Variants in PHACTR4 observed in about 807,000 individuals in gnomAD.
PHACTR4 encodes protein phosphatase 1, regulatory subunit 124.
In PHACTR4, 51 loss-of-function variants were observed where a neutral mutation model predicts 72.7. The observed-to-expected ratio is 0.70, with a 90% CI of 0.56 to 0.89. PHACTR4 has a LOEUF of 0.89. Among genes scored for constraint, PHACTR4 ranks in the 40% least tolerant of loss-of-function variants. The pLI is 0.00. For synonymous variants in PHACTR4, 255 were observed against 302.5 expected (o/e 0.84, Z 1.63); for missense variants, 731 against 861.8 (o/e 0.85, Z 1.90).
intron 2 of PHACTR4, among the ~76,000 whole-genome samples, chr1:28,426,755 C>T (rs1655891231): frequency 6.6e-6 from 1 of 151,386 alleles, no homozygotes; most frequent in Admixed American, 6.6e-5. Flanking sequence ...CAAGATCTGC[C>T]CCCACTGGTC....
chr1:28,406,430 GA>G (rs1043717167), intron 1 of PHACTR4, among the ~76,000 whole-genome samples: 9 of 149,884 alleles, frequency 6.0e-5, no homozygotes, highest in South Asian at 2.1e-4. Context: ...TCTTGAGGGG[GA>G]AAAAAAAAGC....
At chr1:28,379,247 G>A (rs1368046112) in intron 1 of PHACTR4, among the ~76,000 whole-genome samples, 1 of 151,260 alleles carries the variant, frequency 6.6e-6, no homozygotes, top group African/African-American at 2.4e-5. Flanking sequence ...GAGCCACCAT[G>A]GCCAGCCTAT....
chr1:28,469,084 A>G (rs1184371542), intron 6 of PHACTR4, among the ~76,000 whole-genome samples: 2 of 152,200 alleles, frequency 1.3e-5, no homozygotes, highest in Non-Finnish European at 2.9e-5. Context: ...TCTTAGAGCT[A>G]AATAGATTTA....
chr1:28,374,154 G>T (rs1416988315), intron 1 of PHACTR4, among the ~76,000 whole-genome samples: 1 of 152,194 alleles, frequency 6.6e-6, no homozygotes, highest in East Asian at 1.9e-4. Flanking sequence ...TGCCTAGGCA[G>T]AATGGCAGTT....
chr1:28,389,242 GA>G (rs1344879679), intron 1 of PHACTR4, among the ~76,000 whole-genome samples: 2 of 151,956 alleles, frequency 1.3e-5, no homozygotes, highest in Admixed American at 1.3e-4. Flanking sequence ...ACAAGTATAT[GA>G]AAAAATGTTC....
chr1:28,493,880 C>T (rs184481724), intron 13 of PHACTR4, among the ~76,000 whole-genome samples: 73 of 152,260 alleles, frequency 4.8e-4, no homozygotes, highest in African/African-American at 1.6e-3. Context: ...AATGTATAAA[C>T]AACATTTTAA....
At chr1:28,464,825 T>G (rs1659034323) in intron 4 of PHACTR4, among the ~76,000 whole-genome samples, 1 of 152,084 alleles carries the variant, frequency 6.6e-6, no homozygotes, top group Non-Finnish European at 1.5e-5. Context: ...TGCCTCAGCC[T>G]CCTGAATAGC....
intron 9 of PHACTR4, among the ~76,000 whole-genome samples, chr1:28,487,308 G>A (rs1291565879): frequency 6.6e-6 from 1 of 151,958 alleles, no homozygotes; most frequent in East Asian, 1.9e-4. Flanking sequence ...GGAGGTTGCA[G>A]TGAGCCGAGA....
rs180711856 is a variant in PHACTR4 at position 28,457,271 on chromosome 1, A to G, written c.17-1814A>G. On this transcript the variant is annotated intron_variant, in intron 2 of 13. Coordinates refer to ENST00000373839, the MANE Select transcript of PHACTR4 (RefSeq NM_001048183.3). ...TTAAAAATTTAATGCTGTTGGTTGT[A>G]TATTTTCTCTTTTGAAAATACCTAG... 732 of 443,184 alleles carry G rather than the reference A, an allele frequency of 1.7e-3. 3 individuals carry two copies. Among genetic ancestry groups the G allele is most frequent in the African/African-American group, 0.013 (645 of 49,846 alleles). 27.5% of individuals were successfully genotyped at this position (443,184 alleles called of 1,614,324 possible). A position where few individuals can be genotyped will look rare whatever the true frequency, so the allele number is the denominator to read the frequency against.
chr1:28,390,268 G>A (rs1471379238), intron 1 of PHACTR4, among the ~76,000 whole-genome samples: 3 of 152,092 alleles, frequency 2.0e-5, no homozygotes, highest in Non-Finnish European at 4.4e-5. Flanking sequence ...CGATCCTCCT[G>A]CCTCAGCCTT....
intron 1 of PHACTR4, among the ~76,000 whole-genome samples, chr1:28,379,682 C>G (rs193229034): frequency 6.6e-6 from 1 of 151,462 alleles, no homozygotes; most frequent in African/African-American, 2.4e-5. Context: ...CTCCGCCTCC[C>G]GGGTTCACGC....
In PHACTR4 at chr1:28,498,468, T is replaced by C. The variant is rs1410676302; in HGVS notation, c.*1919T>C. 6.6e-6 allele frequency: 1 copy of C among 152,242 alleles called. No individual in the cohort carries two copies. The highest frequency in any genetic ancestry group is 2.4e-5 in the African/African-American group (1 of 41,462). The allele number at this position is 152,242 out of a possible 1,614,324, so 9.4% of individuals were successfully genotyped here. ...CTGCTTTCTGCATTTGTAATAGATA[T>C]TAATATGATTTCCTAAAACAGAAGA... On this transcript the variant is annotated 3_prime_UTR_variant, in exon 14 of 14. Transcript: ENST00000373839.
rs143428465 is a variant in PHACTR4, at chr1:28,474,939, T to TTTTATTTATTTA, written c.1421+802_1421+813dup. ...TTTTAATCTTACCTTAAAACTTTAT[T>TTTTATTTATTTA]TTTATTTATTTATTTATTTATTTAT... is the stretch of plus-strand genomic sequence containing the variant. On this transcript the variant is annotated intron_variant, in intron 7 of 13. Coordinates refer to ENST00000373839, the MANE Select transcript of PHACTR4 (RefSeq NM_001048183.3). Among the ~76,000 whole-genome samples the TTTTATTTATTTA allele has an allele frequency of 4.6e-5, 7 of 151,300 alleles. No individual in the cohort carries two copies. The South Asian group carries it at 6.2e-4, about 13-fold the overall frequency.
intron 1 of PHACTR4, among the ~76,000 whole-genome samples, chr1:28,378,033 TA>T (rs1411284369): frequency 6.8e-6 from 1 of 147,018 alleles, no homozygotes; most frequent in Non-Finnish European, 1.5e-5. Context: ...CCGTCTCTAC[TA>T]AAAGTACAAA....
chr1:28,473,711 G>A lies in PHACTR4; in HGVS notation c.981G>A (p.Thr327=), dbSNP rs200094105. Residue 327 remains threonine, a synonymous_variant, in exon 7 of 14, where the codon ACG becomes ACA. Transcript: ENST00000373839. ...KTPSDEREKS[T]CSMGSELLPM... is the part of the protein sequence containing the mutation. ...CAAGTGATGAAAGAGAGAAGAGCACGTGTTCTATGGGCTCGGAACTACTAC... is the reference window on the plus strand; with the variant it reads ...CAAGTGATGAAAGAGAGAAGAGCACATGTTCTATGGGCTCGGAACTACTAC... The A allele has an allele frequency of 3.0e-4, 487 of 1,614,094 alleles. 2 individuals are homozygous for A. The highest frequency in any genetic ancestry group is 1.5e-3 in the South Asian group (136 of 91,078).
At chr1:28,486,028 C>T (rs1044399114) in intron 9 of PHACTR4, among the ~76,000 whole-genome samples, 24 of 151,772 alleles carry the variant, frequency 1.6e-4, no homozygotes, top group Admixed American at 1.1e-3. Flanking sequence ...GAGACCACCA[C>T]GAGTACACTA....
chr1:28,432,068 G>C (rs973861897), intron 2 of PHACTR4, among the ~76,000 whole-genome samples: 2 of 152,118 alleles, frequency 1.3e-5, no homozygotes, highest in African/African-American at 4.8e-5. Context: ...AATTAGCTGG[G>C]TGTGGTGGCT....
intron 1 of PHACTR4, among the ~76,000 whole-genome samples, chr1:28,392,730 A>T (rs746908035): frequency 6.6e-6 from 1 of 152,150 alleles, no homozygotes. Flanking sequence ...CAAAAAGATG[A>T]AAGTTCTAGA....
intron 2 of PHACTR4, among the ~76,000 whole-genome samples, chr1:28,453,121 A>G (rs1570001042): frequency 6.6e-6 from 1 of 152,178 alleles, no homozygotes; most frequent in African/African-American, 2.4e-5. Flanking sequence ...CTTTGTCTCA[A>G]AAAAATAAAT....
Sources: gnomAD v4.1 joint callset for allele counts (sites outside exome capture counted in the v4.1 genomes callset) on GRCh38, gnomAD v4.1.1 for gene constraint, MANE v1.5 for transcripts, NCBI Gene and HGNC (gene_info 2026-07-23, HGNC 2026-07-21) for gene names.